The following KAZN variants were observed in gnomAD, a reference collection of about 807,000 sequenced individuals.
KAZN encodes kazrin.
Under a neutral mutation model 87.4 loss-of-function variants are expected in KAZN, and 40 were observed. The ratio of observed to expected loss-of-function variants is 0.46; its 90% confidence interval spans 0.36 to 0.60. The LOEUF (loss-of-function observed/expected upper bound fraction) is 0.60, where lower values mean the gene tolerates loss of function less well. Among genes scored for constraint, KAZN ranks in the 20% least tolerant of loss-of-function variants. The probability of loss-of-function intolerance (pLI) is 0.00; values close to 1 mark genes in which losing one functional copy is unlikely to be tolerated. For missense variants in KAZN, 898 were observed against 1,073.9 expected, an observed-to-expected ratio of 0.84 and a Z score of 2.29; for synonymous variants, 466 against 458.3, an observed-to-expected ratio of 1.02 and a Z score of -0.22.
intron 1 of KAZN, among the ~76,000 whole-genome samples, chr1:14,068,218 A>G (rs2101545189): frequency 6.6e-6 from 1 of 152,306 alleles, no homozygotes; most frequent in South Asian, 2.1e-4. Context: ...ACCAACCACC[A>G]CATTAAACTT....
rs113600200 is a variant in KAZN, at chr1:13,995,219, C to CAAAAAAAAAAA, written c.91+101469_91+101479dup. Among the ~76,000 whole-genome samples, 269 of 107,330 alleles carry CAAAAAAAAAAA rather than the reference C, an allele frequency of 2.5e-3. 7 individuals carry two copies. The highest frequency in any genetic ancestry group is 8.0e-3 in the African/African-American group (251 of 31,292). The allele number at this position is 107,330 out of a possible 152,430, so 70.4% of individuals were successfully genotyped here. The stretch of plus-strand genomic sequence containing the variant: ...GGAAGTCTTAGACAGTGCAATAAGG[C>CAAAAAAAAAAA]AAAAAAAAAAAAAAAATCCTAATGA... On this transcript the variant is annotated intron_variant, in intron 1 of 16. Coordinates refer to the KAZN transcript ENST00000636203.
intron 1 of KAZN, among the ~76,000 whole-genome samples, chr1:13,897,474 A>G (rs1639087929): frequency 6.6e-6 from 1 of 152,078 alleles, no homozygotes; most frequent in Non-Finnish European, 1.5e-5. Flanking sequence ...ACGAGGCCAC[A>G]CTCTCAGGCT....
At chr1:14,011,131 G>A (rs527311833) in intron 1 of KAZN, among the ~76,000 whole-genome samples, 4 of 152,286 alleles carry the variant, frequency 2.6e-5, no homozygotes, top group Admixed American at 1.3e-4. Flanking sequence ...TCTTCCTTGG[G>A]TAGATATGAG....
chr1:14,528,900 C>A (rs951957149), intron 2 of KAZN, among the ~76,000 whole-genome samples: 3 of 152,292 alleles, frequency 2.0e-5, no homozygotes, highest in Middle Eastern at 3.4e-3. Flanking sequence ...CCTCTCGCAG[C>A]CTCATTCCAC....
chr1:14,499,883 C>G (rs978304203), intron 2 of KAZN, among the ~76,000 whole-genome samples: 1 of 152,082 alleles, frequency 6.6e-6, no homozygotes, highest in African/African-American at 2.4e-5. Flanking sequence ...TGCCCCTGGC[C>G]GAGCTCTGCA....
At chr1:14,136,538 G>A (rs1389593097) in intron 1 of KAZN, among the ~76,000 whole-genome samples, 1 of 152,158 alleles carries the variant, frequency 6.6e-6, no homozygotes, top group East Asian at 1.9e-4. Flanking sequence ...CCTCAGTCAC[G>A]CAAATAAGAC....
chr1:14,097,856 C>G (rs925796700), intron 1 of KAZN, among the ~76,000 whole-genome samples: 19 of 152,068 alleles, frequency 1.2e-4, no homozygotes, highest in African/African-American at 4.6e-4. Context: ...GAATCAGTTC[C>G]CCAGATGAGC....
intron 2 of KAZN, among the ~76,000 whole-genome samples, chr1:14,416,944 G>A (rs1391928016): frequency 1.3e-5 from 2 of 150,198 alleles, no homozygotes; most frequent in East Asian, 3.9e-4. Context: ...GTGTGTGAGC[G>A]TGTATATGTG....
chr1:14,134,618 C>T (rs888519608), intron 1 of KAZN, among the ~76,000 whole-genome samples: 4 of 152,120 alleles, frequency 2.6e-5, no homozygotes, highest in Non-Finnish European at 4.4e-5. Flanking sequence ...TGTGGGCAAA[C>T]ATCATACAGC....
At chr1:14,080,257 CCTT>C (rs1476953939) in intron 1 of KAZN, among the ~76,000 whole-genome samples, 4 of 70,940 alleles carry the variant, frequency 5.6e-5, no homozygotes, top group African/African-American at 2.0e-4. Flanking sequence ...GCTTAGAGCT[CCTT>C]CTCATATAAC....
Position 15,077,830 on chromosome 1 carries a change from A to C in KAZN, c.1222+12077A>C, listed in dbSNP as rs895531637. Among the ~76,000 whole-genome samples the C allele has an allele frequency of 6.6e-6, 1 of 152,210 alleles. No homozygotes were observed. The highest frequency in any genetic ancestry group is 2.1e-4 in the South Asian group (1 of 4,838). ...AGGAATGGGGACAAAGACTGGCTTC[A>C]TGGGAGCAGGAGAGGTAGCAGGGGG... On this transcript the variant is annotated intron_variant, in intron 8 of 14. Coordinates refer to ENST00000376030, the MANE Select transcript of KAZN (RefSeq NM_201628.3). The surrounding 1 kb of genome is among the most constrained non-coding windows in gnomAD (Gnocchi z 4.8).
At chr1:15,058,310 A>T (rs1378580055) in intron 5 of KAZN, among the ~76,000 whole-genome samples, 1 of 152,224 alleles carries the variant, frequency 6.6e-6, no homozygotes, top group Non-Finnish European at 1.5e-5. Context: ...CACAGCCTGT[A>T]GGGTAAACTC....
chr1:14,278,291 CTTTT>C (rs869207394), intron 2 of KAZN, among the ~76,000 whole-genome samples: 2 of 135,056 alleles, frequency 1.5e-5, no homozygotes, highest in Admixed American at 1.5e-4. Context: ...GCACTGATTC[CTTTT>C]TTTTTTTTTT....
exon 2 of KAZN, chr1:14,180,571 G>A (rs757915877): frequency 4.5e-6 from 7 of 1,549,808 alleles, no homozygotes; most frequent in Admixed American, 3.9e-5. Flanking sequence ...TATTGATGAG[G>A]CACCTCTTAA....
intron 2 of KAZN, among the ~76,000 whole-genome samples, chr1:14,984,325 T>C (rs1298374539): frequency 1.3e-5 from 2 of 151,738 alleles, no homozygotes; most frequent in African/African-American, 4.8e-5. Flanking sequence ...TGCAGTGAGC[T>C]GAGATCATGC....
At chr1:14,071,157 A>G (rs1262660023) in intron 1 of KAZN, among the ~76,000 whole-genome samples, 1 of 152,118 alleles carries the variant, frequency 6.6e-6, no homozygotes, top group East Asian at 1.9e-4. Context: ...AGCACAAGAC[A>G]GCTGTAGGAA....
chr1:15,066,609 T>G lies in KAZN; in HGVS notation c.1222+856T>G, dbSNP rs1639245986. On this transcript the variant is annotated intron_variant, in intron 8 of 14. Coordinates refer to ENST00000376030, the MANE Select transcript of KAZN (RefSeq NM_201628.3). This position sits in a 1 kb window ranked among gnomAD's most constrained non-coding sequence, Gnocchi z 4.3. ...GTTTCATTTAATTTATTTGCACAAA[T>G]GCTGAAAACTTATTCTATCTAAATT... 2.0e-6 allele frequency: 2 copies of G among 983,408 alleles called. No individual in the cohort carries two copies. The highest frequency in any genetic ancestry group is 2.4e-6 in the Non-Finnish European group (2 of 828,082). 60.9% of individuals were successfully genotyped at this position (983,408 alleles called of 1,614,324 possible).
intron 1 of KAZN, among the ~76,000 whole-genome samples, chr1:14,672,727 C>T (rs1639985681): frequency 6.6e-6 from 1 of 152,188 alleles, no homozygotes; most frequent in Non-Finnish European, 1.5e-5. Flanking sequence ...AATGCCCAGA[C>T]CCCATTGCAG....
At chr1:15,083,927 A>G (rs6665995) in intron 8 of KAZN, among the ~76,000 whole-genome samples, 58,471 of 152,060 alleles carry the variant, frequency 0.38, 13,070 homozygotes, top group East Asian at 0.91. Context: ...CGGGGAATTC[A>G]GGGTTGAAGC....
Sources: allele counts gnomAD v4.1 joint callset (sites outside exome capture counted in the v4.1 genomes callset), GRCh38; gene constraint gnomAD v4.1.1; non-coding constraint Gnocchi (gnomAD v3.1); transcripts MANE v1.5; gene names NCBI Gene and HGNC (gene_info 2026-07-23, HGNC 2026-07-21).